GPC6: variants seen among roughly 807,000 people sequenced by gnomAD.
GPC6 encodes the protein glypican 6.
A neutral mutation model predicts 55.2 loss-of-function variants in GPC6; 14 were observed. The ratio of observed to expected loss-of-function variants is 0.25; its 90% CI spans 0.17 to 0.40. GPC6 has a LOEUF of 0.40. Among genes scored for constraint, GPC6 ranks in the 10% least tolerant of loss-of-function variants. The pLI, the probability that GPC6 is intolerant of heterozygous loss-of-function variation, is 1.00. For missense variants in GPC6, 641 were observed against 708.5 expected, an observed-to-expected ratio of 0.90 and a Z score of 1.08; for synonymous variants, 278 against 259.6, an observed-to-expected ratio of 1.07 and a Z score of -0.68.
intron 1 of GPC6, among the ~76,000 whole-genome samples, chr13:93,498,443 T>C (rs944050956): frequency 1.3e-5 from 2 of 152,208 alleles, no homozygotes; most frequent in Admixed American, 6.5e-5. Context: ...CTGGTTTGGC[T>C]GTGTCCCCAC....
intron 6 of GPC6, among the ~76,000 whole-genome samples, chr13:94,333,429 T>C (rs1877526375): frequency 6.6e-6 from 1 of 152,190 alleles, no homozygotes; most frequent in African/African-American, 2.4e-5. Context: ...TTTTCCCCTC[T>C]TGTCAAACTA....
intron 1 of GPC6, among the ~76,000 whole-genome samples, chr13:93,399,054 A>G (rs1215011036): frequency 1.3e-5 from 1 of 75,756 alleles, no homozygotes; most frequent in African/African-American, 3.1e-5. Context: ...TCCTACACAC[A>G]CACACAGACA....
At chr13:93,461,725 T>A (rs1286563361) in intron 1 of GPC6, among the ~76,000 whole-genome samples, 3 of 152,120 alleles carry the variant, frequency 2.0e-5, no homozygotes, top group Non-Finnish European at 4.4e-5. Context: ...AATCTAGACA[T>A]CTTTGTTACC....
chr13:93,864,806 A>G (rs1248174386), intron 3 of GPC6, among the ~76,000 whole-genome samples: 1 of 151,704 alleles, frequency 6.6e-6, no homozygotes, highest in Non-Finnish European at 1.5e-5. Flanking sequence ...GGGCTGACCC[A>G]AATGTAGAAC....
At chr13:93,662,651 C>G (rs1460451680) in intron 2 of GPC6, among the ~76,000 whole-genome samples, 10 of 150,330 alleles carry the variant, frequency 6.7e-5, no homozygotes. Flanking sequence ...AACGAACAAA[C>G]AAACAAAAAA....
At chr13:93,485,943 A>G (rs1221261166) in intron 1 of GPC6, among the ~76,000 whole-genome samples, 3 of 152,164 alleles carry the variant, frequency 2.0e-5, no homozygotes, top group Admixed American at 6.6e-5. Flanking sequence ...TCTTTCTTGG[A>G]TAAACTTGGA....
chr13:93,449,654 C>G (rs886607498), intron 1 of GPC6, among the ~76,000 whole-genome samples: 3 of 151,926 alleles, frequency 2.0e-5, no homozygotes, highest in African/African-American at 7.3e-5. Context: ...ATGGTGAAAC[C>G]CCATCTCTAC....
intron 6 of GPC6, 65 bp downstream of exon 6, chr13:94,306,188 T>C: frequency 6.4e-7 from 1 of 1,567,706 alleles, no homozygotes; most frequent in Non-Finnish European, 8.8e-7. Flanking sequence ...TCTTTGAAAC[T>C]CCCAGGAGAT....
At chr13:93,524,995 T>C (rs1363837009) in intron 1 of GPC6, among the ~76,000 whole-genome samples, 1 of 152,102 alleles carries the variant, frequency 6.6e-6, no homozygotes, top group African/African-American at 2.4e-5. Context: ...GTCAAGACCT[T>C]CTTCATAGTA....
intron 6 of GPC6, among the ~76,000 whole-genome samples, chr13:94,316,168 A>ACTT: frequency 6.6e-6 from 1 of 151,994 alleles, no homozygotes. Flanking sequence ...GAAAGAACTA[A>ACTT]CTTAAAAAAA....
At chr13:94,065,085 A>T (rs916514502) in intron 4 of GPC6, among the ~76,000 whole-genome samples, 1 of 151,348 alleles carries the variant, frequency 6.6e-6, no homozygotes, top group East Asian at 1.9e-4. Flanking sequence ...ACAACTTTTG[A>T]TCTTTATACC....
At chr13:93,282,125 T>C (rs1446765773) in intron 1 of GPC6, among the ~76,000 whole-genome samples, 3 of 152,204 alleles carry the variant, frequency 2.0e-5, no homozygotes, top group African/African-American at 7.2e-5. Context: ...TTACAGCCTG[T>C]GAACATAACA....
chr13:94,261,497 C>T (rs765077521), intron 4 of GPC6, among the ~76,000 whole-genome samples: 20 of 152,008 alleles, frequency 1.3e-4, no homozygotes, highest in Non-Finnish European at 2.5e-4. Context: ...TTAGTGTTTA[C>T]GTGTGAGGTC....
intron 6 of GPC6, among the ~76,000 whole-genome samples, chr13:94,369,403 G>T (rs995909590): frequency 6.6e-6 from 1 of 152,206 alleles, no homozygotes; most frequent in African/African-American, 2.4e-5. Context: ...TAGGTAGACA[G>T]CCATGGGCTG....
At chr13:94,324,225 C>T (rs1566675459) in intron 6 of GPC6, among the ~76,000 whole-genome samples, 1 of 151,324 alleles carries the variant, frequency 6.6e-6, no homozygotes, top group African/African-American at 2.4e-5. Flanking sequence ...GGCAGGGGAC[C>T]CATGGCCTCT....
chr13:94,367,933 G>C (rs1333673637), intron 6 of GPC6, among the ~76,000 whole-genome samples: 1 of 151,932 alleles, frequency 6.6e-6, no homozygotes, highest in Non-Finnish European at 1.5e-5. Flanking sequence ...GGCGGATCAT[G>C]AGGTCAAAAG....
At chr13:94,365,992 C>T (rs1879272532) in intron 6 of GPC6, among the ~76,000 whole-genome samples, 1 of 152,158 alleles carries the variant, frequency 6.6e-6, no homozygotes, top group Admixed American at 6.5e-5. Flanking sequence ...ATGCCTCCTC[C>T]CCCTTTTTTA....
intron 1 of GPC6, among the ~76,000 whole-genome samples, chr13:93,541,065 T>C (rs975746435): frequency 6.6e-6 from 1 of 151,990 alleles, no homozygotes; most frequent in African/African-American, 2.4e-5. Flanking sequence ...AGGGAACATG[T>C]GCACAATGTG....
intron 6 of GPC6, among the ~76,000 whole-genome samples, chr13:94,324,671 G>T (rs1412139009): frequency 1.3e-5 from 2 of 151,020 alleles, no homozygotes; most frequent in Non-Finnish European, 2.9e-5. Flanking sequence ...CAGAGATAAG[G>T]GACTGAGGAA....
Sources: allele counts gnomAD v4.1 joint callset (sites outside exome capture counted in the v4.1 genomes callset), GRCh38; gene constraint gnomAD v4.1.1; transcripts MANE v1.5; gene names NCBI Gene and HGNC (gene_info 2026-07-23, HGNC 2026-07-21).